The following GNB1L variants were observed in gnomAD, a reference collection of about 807,000 sequenced individuals.
The protein encoded by GNB1L is G protein subunit beta 1 like.
A neutral mutation model predicts 29.1 loss-of-function variants in GNB1L; 20 were observed. That is an observed-to-expected ratio of 0.69 (90% CI 0.48 to 1.00). The LOEUF is 1.00. Ranked by LOEUF, GNB1L falls within the 50% of genes least tolerant of loss-of-function variation. The pLI is 0.00. For synonymous variants in GNB1L, 193 were observed against 206.5 expected (o/e 0.93, Z 0.56); for missense variants, 421 against 464.9 (o/e 0.91, Z 0.87).
rs1937201547 is a variant in GNB1L, at chr22:19,787,443, C to T, written c.*1266G>A. 6.6e-6 allele frequency: 1 copy of T among 152,598 alleles called. No homozygotes were observed. The highest frequency in any genetic ancestry group is 1.5e-5 in the Non-Finnish European group (1 of 68,314). 9.5% of individuals were successfully genotyped at this position (152,598 alleles called of 1,614,324 possible). A position where few individuals can be genotyped will look rare whatever the true frequency, so the allele number is the denominator to read the frequency against. On this transcript the variant is annotated 3_prime_UTR_variant, in exon 8 of 8. Transcript: ENST00000329517. Reference sequence around the variant, plus strand: ...CTGCTCCGGCCACCTGGATCCCACACCCTTCCGATCCGTCCCACACATGTT... The same window carrying T: ...CTGCTCCGGCCACCTGGATCCCACATCCTTCCGATCCGTCCCACACATGTT...
chr22:19,814,392 C>T (rs1271865508), intron 4 of GNB1L, among the ~76,000 whole-genome samples: 1 of 152,216 alleles, frequency 6.6e-6, no homozygotes, highest in Non-Finnish European at 1.5e-5. Flanking sequence ...GCTGTGACTA[C>T]ACTCCCCAGA....
At chr22:19,797,094 T>C (rs1246324079) in intron 7 of GNB1L, among the ~76,000 whole-genome samples, 3 of 152,168 alleles carry the variant, frequency 2.0e-5, no homozygotes, top group Non-Finnish European at 4.4e-5. Flanking sequence ...GAAAACAACC[T>C]GGGCAGAGAA....
chr22:19,819,560 G>A (rs754102508), intron 4 of GNB1L, among the ~76,000 whole-genome samples: 24 of 152,194 alleles, frequency 1.6e-4, no homozygotes, highest in Non-Finnish European at 2.9e-4. Context: ...CAGCAGTCAC[G>A]GAGGGTAGGG....
chr22:19,815,412 A>AG (rs1176650718), intron 4 of GNB1L, among the ~76,000 whole-genome samples: 2 of 152,208 alleles, frequency 1.3e-5, no homozygotes, highest in Non-Finnish European at 2.9e-5. Context: ...TGGCTCTGCT[A>AG]GGCGGCAAGG....
chr22:19,849,108 G>T (rs886948202), intron 2 of GNB1L: 31 of 985,304 alleles, frequency 3.1e-5, no homozygotes, highest in Middle Eastern at 5.2e-4. Context: ...GACATCCAGG[G>T]ACTTCTCACA....
intron 7 of GNB1L, chr22:19,793,164 TGAAAG>T (rs1488564886): frequency 2.3e-5 from 22 of 962,332 alleles, no homozygotes; most frequent in East Asian, 1.3e-4. Flanking sequence ...AAAAAAAAAA[TGAAAG>T]GAAAGTGTAT....
intron 7 of GNB1L, among the ~76,000 whole-genome samples, chr22:19,799,505 G>T (rs187838343): frequency 6.6e-6 from 1 of 152,166 alleles, no homozygotes; most frequent in Non-Finnish European, 1.5e-5. Context: ...CTCTCGTAGC[G>T]CATGACCTCA....
Position 19,800,584 on chromosome 22 carries a change from G to A in GNB1L, c.732+1417C>T, listed in dbSNP as rs372573722. Among the ~76,000 whole-genome samples, 51 of 152,322 alleles carry A rather than the reference G, an allele frequency of 3.3e-4. 1 individual carries two copies. The East Asian group carries it at 7.1e-3, about 21-fold the overall frequency. ...TCTAGCTGCTCAGAACGGGCATCATGATGATGACACATCCACCGACCACCC... is the reference window on the plus strand; with the variant it reads ...TCTAGCTGCTCAGAACGGGCATCATAATGATGACACATCCACCGACCACCC... On this transcript the variant is annotated intron_variant, in intron 7 of 7. Coordinates refer to ENST00000329517, the MANE Select transcript of GNB1L (RefSeq NM_053004.3).
At chr22:19,832,383 A>T (rs1406844669) in intron 2 of GNB1L, among the ~76,000 whole-genome samples, 1 of 152,226 alleles carries the variant, frequency 6.6e-6, no homozygotes, top group Non-Finnish European at 1.5e-5. Flanking sequence ...AGTGGGCAAC[A>T]GCAGCCAGCC....
intron 7 of GNB1L, chr22:19,792,824 G>T: frequency 1.6e-6 from 2 of 1,272,392 alleles, no homozygotes; most frequent in South Asian, 2.4e-5. Flanking sequence ...GTCGTAAAAT[G>T]GGGGTCCCTT....
At chr22:19,817,587 C>G (rs537155274) in intron 4 of GNB1L, among the ~76,000 whole-genome samples, 1 of 152,388 alleles carries the variant, frequency 6.6e-6, no homozygotes, top group South Asian at 2.1e-4. Context: ...AAGTCACACA[C>G]AGATGCTGCT....
intron 2 of GNB1L, among the ~76,000 whole-genome samples, chr22:19,831,301 G>T (rs1188904137): frequency 6.6e-6 from 1 of 150,702 alleles, no homozygotes; most frequent in Non-Finnish European, 1.5e-5. Flanking sequence ...GGAGGCGAAA[G>T]TTGCAGTGGG....
At chr22:19,822,964 G>A (rs1376694139) in intron 2 of GNB1L, among the ~76,000 whole-genome samples, 2 of 152,198 alleles carry the variant, frequency 1.3e-5, no homozygotes, top group Non-Finnish European at 2.9e-5. Context: ...CCCTGCCAAG[G>A]TGTCCTGCAG....
chr22:19,845,205 T>A (rs1474452745), intron 2 of GNB1L, among the ~76,000 whole-genome samples: 1 of 152,216 alleles, frequency 6.6e-6, no homozygotes, highest in Middle Eastern at 3.2e-3. Context: ...CCCAGCTGCA[T>A]GCAGTCAGCT....
At chr22:19,835,401 CA>C (rs138573984) in intron 2 of GNB1L, among the ~76,000 whole-genome samples, 23 of 141,976 alleles carry the variant, frequency 1.6e-4, no homozygotes, top group Admixed American at 9.1e-4. Flanking sequence ...AACAAACAAA[CA>C]AAAAAAAAAC....
Position 19,788,488 on chromosome 22 carries a change from C to T in GNB1L, c.*221G>A. On this transcript the variant is annotated 3_prime_UTR_variant, in exon 8 of 8. Coordinates refer to ENST00000329517, the MANE Select transcript of GNB1L (RefSeq NM_053004.3). ...GGCCCAAGCCAACGTCTCCTGCAGG[C>T]CTCGGACGGCCAGGGCTCTGGCTGG... 1.5e-6 allele frequency: 1 copy of T among 657,778 alleles called. No homozygotes were observed. Among genetic ancestry groups the T allele is most frequent in the Non-Finnish European group, 2.8e-6 (1 of 359,114 alleles). The allele number at this position is 657,778 out of a possible 1,614,324, so 40.7% of individuals were successfully genotyped here.
At chr22:19,827,656 C>T (rs1247892513) in intron 2 of GNB1L, among the ~76,000 whole-genome samples, 1 of 152,216 alleles carries the variant, frequency 6.6e-6, no homozygotes, top group Non-Finnish European at 1.5e-5. Flanking sequence ...TATAATTACA[C>T]TCTCAGCAGA....
At chr22:19,823,658 C>T (rs542963691) in intron 2 of GNB1L, among the ~76,000 whole-genome samples, 1 of 152,310 alleles carries the variant, frequency 6.6e-6, no homozygotes, top group East Asian at 1.9e-4. Flanking sequence ...TACACAGGCT[C>T]CCCTGTGCAG....
chr22:19,798,863 G>C (rs943231433), intron 7 of GNB1L, among the ~76,000 whole-genome samples: 1 of 152,240 alleles, frequency 6.6e-6, no homozygotes, highest in South Asian at 2.1e-4. Context: ...GAGGAGGACT[G>C]GTCCTGGCCC....
Sources: gnomAD v4.1 joint callset for allele counts (sites outside exome capture counted in the v4.1 genomes callset) on GRCh38, gnomAD v4.1.1 for gene constraint, MANE v1.5 for transcripts, NCBI Gene and HGNC (gene_info 2026-07-23, HGNC 2026-07-21) for gene names.